FCHSD2: variants seen among roughly 807,000 people sequenced by gnomAD.
The protein encoded by FCHSD2 is F-BAR and double SH3 domains protein 2.
Under a neutral mutation model 108.1 loss-of-function variants are expected in FCHSD2, and 38 were observed. That is an observed-to-expected ratio of 0.35 (90% CI 0.27 to 0.46). The LOEUF is 0.46. FCHSD2 is among the 20% of genes least tolerant of loss of function. FCHSD2 has a pLI of 1.00. For missense variants in FCHSD2, 751 were observed against 897.8 expected, an observed-to-expected ratio of 0.84 and a Z score of 2.09; for synonymous variants, 279 against 314.7, an observed-to-expected ratio of 0.89 and a Z score of 1.20.
chr11:72,943,970 ATGGAGG>A (rs1361629110), intron 8 of FCHSD2, among the ~76,000 whole-genome samples: 1 of 152,242 alleles, frequency 6.6e-6, no homozygotes, highest in Non-Finnish European at 1.5e-5. Context: ...ATTGCATGAC[ATGGAGG>A]TAAAACAACA....
At chr11:73,033,708 G>A (rs1182455850) in intron 3 of FCHSD2, among the ~76,000 whole-genome samples, 6 of 152,184 alleles carry the variant, frequency 3.9e-5, no homozygotes, top group Non-Finnish European at 1.5e-5. Flanking sequence ...ATTGGCAATA[G>A]TAAAAAGACC....
intron 13 of FCHSD2, among the ~76,000 whole-genome samples, chr11:72,860,578 C>T (rs1861545065): frequency 6.6e-6 from 1 of 152,144 alleles, no homozygotes; most frequent in African/African-American, 2.4e-5. Context: ...GGTGCAGTGG[C>T]TCACTCCTAT....
intron 3 of FCHSD2, among the ~76,000 whole-genome samples, chr11:73,034,833 A>G (rs1858448575): frequency 6.6e-6 from 1 of 152,254 alleles, no homozygotes; most frequent in Admixed American, 6.5e-5. Flanking sequence ...TAAATTATAG[A>G]AGGACTAAAA....
At chr11:73,111,969 TGTA>T (rs1306944059) in intron 2 of FCHSD2, among the ~76,000 whole-genome samples, 2 of 152,210 alleles carry the variant, frequency 1.3e-5, no homozygotes, top group Non-Finnish European at 2.9e-5. Flanking sequence ...TAAAAGCTGT[TGTA>T]GTTAATATTT....
intron 8 of FCHSD2, among the ~76,000 whole-genome samples, chr11:72,934,587 G>A (rs1225951874): frequency 6.6e-6 from 1 of 152,084 alleles, no homozygotes; most frequent in African/African-American, 2.4e-5. Flanking sequence ...ACTTGCCTCG[G>A]CCTCCCAAAG....
chr11:72,960,677 A>G (rs1294882839), intron 8 of FCHSD2, among the ~76,000 whole-genome samples: 1 of 152,220 alleles, frequency 6.6e-6, no homozygotes, highest in East Asian at 1.9e-4. Context: ...CTAGTAAAAT[A>G]GTATCCATTC....
intron 9 of FCHSD2, among the ~76,000 whole-genome samples, chr11:72,910,850 T>A (rs925231372): frequency 4.0e-5 from 6 of 149,896 alleles, no homozygotes; most frequent in South Asian, 2.1e-4. Context: ...AAAAAAAAAA[T>A]TTCCTATAGA....
At chr11:72,870,213 A>G (rs1318262357) in intron 12 of FCHSD2, among the ~76,000 whole-genome samples, 2 of 152,182 alleles carry the variant, frequency 1.3e-5, no homozygotes, top group African/African-American at 2.4e-5. Context: ...TAGGCAGTTA[A>G]TAATTCCTTT....
At chr11:72,872,304 T>C (rs1803836357) in intron 12 of FCHSD2, among the ~76,000 whole-genome samples, 1 of 102,914 alleles carries the variant, frequency 9.7e-6, no homozygotes. Context: ...TTTTTTTTTT[T>C]AGAACCACAC....
intron 2 of FCHSD2, among the ~76,000 whole-genome samples, chr11:73,102,928 T>C (rs778603507): frequency 1.1e-4 from 17 of 152,156 alleles, no homozygotes; most frequent in Non-Finnish European, 1.8e-4. Flanking sequence ...GAAAACTAAA[T>C]ATTAATATAC....
intron 2 of FCHSD2, among the ~76,000 whole-genome samples, chr11:73,120,850 G>T (rs1051854023): frequency 6.7e-6 from 1 of 148,254 alleles, no homozygotes; most frequent in African/African-American, 2.5e-5. Context: ...AAAAAAAATA[G>T]ATGATTAACA....
chr11:73,117,732 G>A (rs776879073), intron 2 of FCHSD2, among the ~76,000 whole-genome samples: 4 of 152,090 alleles, frequency 2.6e-5, no homozygotes, highest in African/African-American at 9.7e-5. Flanking sequence ...CCATATAGCC[G>A]CCATTAGATT....
intron 8 of FCHSD2, among the ~76,000 whole-genome samples, chr11:72,923,040 A>T (rs1426012821): frequency 4.6e-5 from 7 of 152,306 alleles, no homozygotes; most frequent in Admixed American, 1.3e-4. Flanking sequence ...ATCAAATCAT[A>T]TAATATATGA....
At chr11:73,119,957 T>G (rs1001721908) in intron 2 of FCHSD2, among the ~76,000 whole-genome samples, 2 of 152,202 alleles carry the variant, frequency 1.3e-5, no homozygotes, top group Admixed American at 6.5e-5. Context: ...CAGTTCCACA[T>G]GGCTGGGGAA....
At chr11:72,906,493 C>CT (rs1855633303) in intron 9 of FCHSD2, among the ~76,000 whole-genome samples, 1 of 152,180 alleles carries the variant, frequency 6.6e-6, no homozygotes, top group African/African-American at 2.4e-5. Flanking sequence ...GTCATGAAGT[C>CT]TTTGCCCATG....
chr11:72,968,946 G>A (rs1347805877), intron 8 of FCHSD2, among the ~76,000 whole-genome samples: 1 of 152,162 alleles, frequency 6.6e-6, no homozygotes, highest in South Asian at 2.1e-4. Context: ...AAACTGATAG[G>A]TAATAATATT....
At chr11:72,951,920 G>A (rs1856627674) in intron 8 of FCHSD2, among the ~76,000 whole-genome samples, 1 of 152,150 alleles carries the variant, frequency 6.6e-6, no homozygotes, top group Admixed American at 6.6e-5. Flanking sequence ...TATTTGACAA[G>A]AATACTGTAA....
intron 9 of FCHSD2, among the ~76,000 whole-genome samples, chr11:72,914,491 T>C (rs1855830545): frequency 6.6e-6 from 1 of 152,104 alleles, no homozygotes; most frequent in African/African-American, 2.4e-5. Context: ...CTTCAAACTA[T>C]ACCACAGGGC....
intron 3 of FCHSD2, among the ~76,000 whole-genome samples, chr11:73,082,098 G>C (rs1484719537): frequency 6.6e-6 from 1 of 152,030 alleles, no homozygotes; most frequent in Non-Finnish European, 1.5e-5. Context: ...AGCACTTTGG[G>C]AGGCCGAGGT....
Sources: allele counts gnomAD v4.1 joint callset (sites outside exome capture counted in the v4.1 genomes callset), GRCh38; gene constraint gnomAD v4.1.1; transcripts MANE v1.5; gene names NCBI Gene and HGNC (gene_info 2026-07-23, HGNC 2026-07-21).